The following KALRN variants were observed in gnomAD, a reference collection of about 807,000 sequenced individuals.
KALRN encodes the protein kalirin.
A neutral mutation model predicts 353.7 loss-of-function variants in KALRN; 70 were observed. The ratio of observed to expected loss-of-function variants is 0.20; its 90% confidence interval spans 0.16 to 0.24. The LOEUF is 0.24. Among genes scored for constraint, KALRN ranks in the 10% least tolerant of loss-of-function variants. The pLI is 1.00. For missense variants in KALRN, 2,791 were observed against 3,756.7 expected (o/e 0.74, Z 6.72); for synonymous variants, 1,391 against 1,434.8 (o/e 0.97, Z 0.69).
At chr3:124,559,723 G>A (rs2071709801) in intron 33 of KALRN, among the ~76,000 whole-genome samples, 1 of 152,212 alleles carries the variant, frequency 6.6e-6, no homozygotes, top group Admixed American at 6.5e-5. Flanking sequence ...GGGAGGGACT[G>A]TTGCAGGAGC....
At chr3:124,162,438 T>G (rs1210441750) in intron 1 of KALRN, 1 of 152,190 alleles carries the variant, frequency 6.6e-6, no homozygotes, top group Non-Finnish European at 1.5e-5. Flanking sequence ...CAATGTCTCC[T>G]CGCTGAAAGG....
chr3:124,232,882 G>GA (rs201346262), intron 2 of KALRN, among the ~76,000 whole-genome samples: 8,982 of 147,622 alleles, frequency 0.061, 273 homozygotes, highest in Middle Eastern at 0.093. Context: ...GTCAGACAGG[G>GA]AAAAAAAAAA....
chr3:124,372,983 G>A (rs1281060349), intron 10 of KALRN, among the ~76,000 whole-genome samples: 18 of 151,954 alleles, frequency 1.2e-4, no homozygotes, highest in African/African-American at 2.7e-4. Context: ...AGACATTCCC[G>A]CAACTCCCTC....
At chr3:124,232,888 A>T (rs1336242746) in intron 2 of KALRN, among the ~76,000 whole-genome samples, 1 of 152,188 alleles carries the variant, frequency 6.6e-6, no homozygotes, top group Non-Finnish European at 1.5e-5. Flanking sequence ...CAGGGAAAAA[A>T]AAAAGCAGAA....
intron 14 of KALRN, among the ~76,000 whole-genome samples, chr3:124,417,192 A>T (rs1199473427): frequency 6.6e-6 from 1 of 152,228 alleles, no homozygotes; most frequent in African/African-American, 2.4e-5. Context: ...TGAGAGAAAC[A>T]TGCTGGCTGA....
intron 49 of KALRN, among the ~76,000 whole-genome samples, chr3:124,676,981 G>T (rs928627236): frequency 1.3e-5 from 2 of 152,212 alleles, no homozygotes; most frequent in African/African-American, 4.8e-5. Flanking sequence ...TTCCTGCTCA[G>T]AAGGTTGAAC....
At chr3:124,313,749 G>C (rs141287385) in intron 6 of KALRN, among the ~76,000 whole-genome samples, 1 of 152,332 alleles carries the variant, frequency 6.6e-6, no homozygotes, top group African/African-American at 2.4e-5. Context: ...TGGTGACTCA[G>C]GAAATCTGTA....
chr3:124,345,021 T>C (rs1378923467), intron 9 of KALRN, among the ~76,000 whole-genome samples: 1 of 152,158 alleles, frequency 6.6e-6, no homozygotes, highest in Non-Finnish European at 1.5e-5. Flanking sequence ...AATAACCAAT[T>C]TTCTTAAAGC....
intron 13 of KALRN, among the ~76,000 whole-genome samples, chr3:124,406,529 C>T (rs1206787609): frequency 6.6e-6 from 1 of 152,194 alleles, no homozygotes; most frequent in Non-Finnish European, 1.5e-5. Flanking sequence ...CCACTTTCCT[C>T]ATCTTCACAA....
intron 9 of KALRN, among the ~76,000 whole-genome samples, chr3:124,335,155 G>T (rs568762096): frequency 5.8e-4 from 89 of 152,210 alleles, no homozygotes; most frequent in African/African-American, 2.1e-3. Flanking sequence ...GCTTGGGGGT[G>T]GGGGGTTATC....
chr3:124,319,213 C>T (rs2079083587), intron 6 of KALRN, among the ~76,000 whole-genome samples: 1 of 151,800 alleles, frequency 6.6e-6, no homozygotes, highest in South Asian at 2.1e-4. Flanking sequence ...TGCCTATAAT[C>T]CCAGTAGTTT....
intron 33 of KALRN, among the ~76,000 whole-genome samples, chr3:124,538,283 T>C (rs2068713447): frequency 6.6e-6 from 1 of 151,944 alleles, no homozygotes; most frequent in African/African-American, 2.4e-5. Context: ...TGTGTATGTA[T>C]GTGTGTGTGA....
At chr3:124,239,403 G>T (rs1001142248) in intron 3 of KALRN, among the ~76,000 whole-genome samples, 1 of 152,084 alleles carries the variant, frequency 6.6e-6, no homozygotes, top group Non-Finnish European at 1.5e-5. Context: ...GCTTTGTCAC[G>T]ACCTTCTTTC....
At chr3:124,650,074 C>T (rs2083251430) in intron 37 of KALRN, among the ~76,000 whole-genome samples, 1 of 151,974 alleles carries the variant, frequency 6.6e-6, no homozygotes, top group Admixed American at 6.6e-5. Flanking sequence ...ACTCTCCAGC[C>T]TCACTGTGTA....
chr3:124,317,576 A>G (rs1187811644), intron 6 of KALRN, among the ~76,000 whole-genome samples: 1 of 152,180 alleles, frequency 6.6e-6, no homozygotes, highest in African/African-American at 2.4e-5. Flanking sequence ...ATTAATGTGC[A>G]TACCTATAAC....
intron 34 of KALRN, among the ~76,000 whole-genome samples, chr3:124,605,103 A>G (rs1054855263): frequency 2.6e-5 from 4 of 151,838 alleles, no homozygotes; most frequent in African/African-American, 9.7e-5. Context: ...GCGAAAGTTG[A>G]AGTGAGCTGA....
At chr3:124,655,506 A>T in intron 38 of KALRN, 95 bp from the exon 39 acceptor site, 1 of 935,962 alleles carries the variant, frequency 1.1e-6, no homozygotes, top group Non-Finnish European at 1.8e-6. Flanking sequence ...GGGTCTTGTT[A>T]TAAAGGTGCC....
chr3:124,089,711 T>A (rs2061007601), intron 1 of KALRN, among the ~76,000 whole-genome samples: 1 of 151,740 alleles, frequency 6.6e-6, no homozygotes, highest in African/African-American at 2.4e-5. Flanking sequence ...CAGGTGTTCA[T>A]GCTGAGTAGG....
intron 48 of KALRN, among the ~76,000 whole-genome samples, chr3:124,673,233 A>T (rs1008425432): frequency 8.3e-5 from 2 of 23,990 alleles, no homozygotes; most frequent in East Asian, 1.1e-3. Context: ...AAAACTTTAA[A>T]AAAAAAAAAA....
Sources: gnomAD v4.1 joint callset for allele counts (sites outside exome capture counted in the v4.1 genomes callset) on GRCh38, gnomAD v4.1.1 for gene constraint, MANE v1.5 for transcripts, NCBI Gene and HGNC (gene_info 2026-07-23, HGNC 2026-07-21) for gene names.